MAD1L1: variants seen among roughly 807,000 people sequenced by gnomAD.
MAD1L1 encodes mitotic arrest deficient 1 like 1.
Under a neutral mutation model 96.9 loss-of-function variants are expected in MAD1L1, and 95 were observed. The observed-to-expected ratio is 0.98, with a 90% CI of 0.83 to 1.16. The LOEUF (loss-of-function observed/expected upper bound fraction) is 1.16, where lower values mean the gene tolerates loss of function less well. MAD1L1 is among the 50% of genes most tolerant of loss of function. MAD1L1 has a pLI of 0.00. For synonymous variants in MAD1L1, 473 were observed against 396.6 expected (o/e 1.19, Z -2.29); for missense variants, 1,007 against 954.4 (o/e 1.06, Z -0.73).
intron 10 of MAD1L1, among the ~76,000 whole-genome samples, chr7:2,157,575 G>A (rs1287891408): frequency 6.6e-6 from 1 of 152,182 alleles, no homozygotes; most frequent in African/African-American, 2.4e-5. Context: ...TCTGAAAGAG[G>A]AGGGCAGACA....
intron 11 of MAD1L1, among the ~76,000 whole-genome samples, chr7:2,096,178 A>G (rs1786479954): frequency 6.6e-6 from 1 of 152,230 alleles, no homozygotes; most frequent in East Asian, 1.9e-4. Context: ...CCAGATGAGG[A>G]CAGGGAGGGT....
At chr7:2,102,814 G>C (rs1418207427) in intron 11 of MAD1L1, among the ~76,000 whole-genome samples, 2 of 152,154 alleles carry the variant, frequency 1.3e-5, no homozygotes, top group African/African-American at 4.8e-5. Context: ...ACCGTCACCA[G>C]CACTCTCAGG....
rs371323455 is a variant in MAD1L1 at position 2,225,533 on chromosome 7, C to T, written c.168G>A (p.Glu56=). The T allele has an allele frequency of 1.7e-5, 27 of 1,613,688 alleles. No homozygotes were observed. Among genetic ancestry groups the T allele is most frequent in the African/African-American group, 2.7e-5 (2 of 74,942 alleles). ...TGAGGTGGGACTTCGAACGGATCTG[C>T]TCTGCTCTTTCCTCCAGCTGAGCAG... ...QQSMQLEERA[E]QIRSKSHLIQ... is the part of the protein sequence containing the mutation. Residue 56 remains glutamate (E), a synonymous_variant, in exon 4 of 19, where the codon GAG becomes GAA. Transcript: ENST00000265854.
intron 5 of MAD1L1, among the ~76,000 whole-genome samples, chr7:2,221,255 C>A (rs1793592051): frequency 6.6e-6 from 1 of 152,182 alleles, no homozygotes; most frequent in African/African-American, 2.4e-5. Context: ...ACCACAGGTG[C>A]CCGCAGGCAG....
chr7:1,996,100 C>T (rs1003829568), intron 14 of MAD1L1, among the ~76,000 whole-genome samples: 1 of 152,150 alleles, frequency 6.6e-6, no homozygotes, highest in Non-Finnish European at 1.5e-5. Context: ...GCACCAGCCA[C>T]GCCTCCCGTG....
At chr7:2,185,789 C>A (rs946357324) in intron 10 of MAD1L1, among the ~76,000 whole-genome samples, 1 of 152,120 alleles carries the variant, frequency 6.6e-6, no homozygotes, top group Non-Finnish European at 1.5e-5. Flanking sequence ...AAATAACAGG[C>A]GAGAATGCGT....
intron 12 of MAD1L1, among the ~76,000 whole-genome samples, chr7:2,030,787 G>T (rs908315868): frequency 6.6e-5 from 10 of 152,226 alleles, no homozygotes; most frequent in African/African-American, 2.4e-4. Flanking sequence ...GGCCCCGTGG[G>T]AGGCGCCCTG....
intron 10 of MAD1L1, among the ~76,000 whole-genome samples, chr7:2,184,429 G>A (rs891217548): frequency 6.6e-6 from 1 of 152,152 alleles, no homozygotes; most frequent in Non-Finnish European, 1.5e-5. Flanking sequence ...AAAATATAAT[G>A]CAAATGGAAT....
chr7:1,898,757 G>C lies in MAD1L1; in HGVS notation c.1808-367C>G, dbSNP rs562988511. On this transcript the variant is annotated intron_variant, in intron 17 of 18. Coordinates refer to ENST00000265854, the MANE Select transcript of MAD1L1 (RefSeq NM_001013836.2). ...TGCCAGGAAGCCACAGGGTCAGGAAGCCACAGGGTCAGGCGTGACTCGGGG... is the reference window on the plus strand; with the variant it reads ...TGCCAGGAAGCCACAGGGTCAGGAACCCACAGGGTCAGGCGTGACTCGGGG... Among the ~76,000 whole-genome samples the C allele has an allele frequency of 3.9e-5, 6 of 152,296 alleles. No individual in the cohort carries two copies. In the East Asian group the frequency reaches 1.2e-3, roughly 29 times the overall value.
At chr7:2,121,164 C>T (rs546484759) in intron 11 of MAD1L1, among the ~76,000 whole-genome samples, 1 of 152,360 alleles carries the variant, frequency 6.6e-6, no homozygotes, top group East Asian at 1.9e-4. Context: ...GGCTCTGGGG[C>T]CCTTCCCGCC....
At chr7:1,974,971 C>T (rs1399587469) in intron 15 of MAD1L1, among the ~76,000 whole-genome samples, 1 of 152,200 alleles carries the variant, frequency 6.6e-6, no homozygotes, top group East Asian at 1.9e-4. Flanking sequence ...CTGGGGAGCG[C>T]ACCTGCCTTC....
At chr7:1,976,758 A>G (rs1315269051) in intron 15 of MAD1L1, among the ~76,000 whole-genome samples, 2 of 152,210 alleles carry the variant, frequency 1.3e-5, no homozygotes, top group African/African-American at 4.8e-5. Flanking sequence ...CTTTAGCTAG[A>G]CACAGAGTGC....
At chr7:2,222,984 G>A (rs878851) in intron 4 of MAD1L1, among the ~76,000 whole-genome samples, 11,999 of 152,268 alleles carry the variant, frequency 0.079, 1,625 homozygotes, top group African/African-American at 0.27. Flanking sequence ...AGGGCTCCCA[G>A]GAAGGGCACT....
At chr7:1,941,357 G>A (rs1003886862) in intron 16 of MAD1L1, among the ~76,000 whole-genome samples, 8 of 152,216 alleles carry the variant, frequency 5.3e-5, no homozygotes, top group Admixed American at 4.6e-4. Context: ...CCCCCCTGAT[G>A]GGGGGCTTGA....
chr7:2,120,732 T>C (rs142905763), intron 11 of MAD1L1, among the ~76,000 whole-genome samples: 2 of 152,070 alleles, frequency 1.3e-5, no homozygotes, highest in East Asian at 1.9e-4. Flanking sequence ...TAAACAAGAG[T>C]ATATGCCAAG....
chr7:2,060,411 A>G (rs879521623), intron 12 of MAD1L1, among the ~76,000 whole-genome samples: 19 of 149,214 alleles, frequency 1.3e-4, no homozygotes, highest in Non-Finnish European at 2.2e-4. Flanking sequence ...GCTGAGATAC[A>G]CTGATGCTGA....
Position 2,088,321 on chromosome 7 carries a change from G to A in MAD1L1, c.1074-18983C>T, listed in dbSNP as rs972760330. On this transcript the variant is annotated intron_variant, in intron 11 of 18. Coordinates refer to ENST00000265854, the MANE Select transcript of MAD1L1 (RefSeq NM_001013836.2). The surrounding 1 kb of genome is among the most constrained non-coding windows in gnomAD (Gnocchi z 4.4). ...CACAGGCTGCGCCATCTGGTTACCAGCACGGTGGTCTCGTGCTACCCTGGT... is the reference window on the plus strand; with the variant it reads ...CACAGGCTGCGCCATCTGGTTACCAACACGGTGGTCTCGTGCTACCCTGGT... 8.5e-5 allele frequency among the ~76,000 whole-genome samples: 13 copies of A among 152,334 alleles called. No homozygotes were observed. The highest frequency in any genetic ancestry group is 2.4e-4 in the African/African-American group (10 of 41,572).
At chr7:1,934,299 G>A (rs1789652284) in intron 17 of MAD1L1, among the ~76,000 whole-genome samples, 1 of 152,170 alleles carries the variant, frequency 6.6e-6, no homozygotes, top group Non-Finnish European at 1.5e-5. Context: ...CATGGCCCGG[G>A]CACCTGTCAC....
At chr7:1,845,213 A>G (rs757880230) in intron 18 of MAD1L1, 1 of 152,220 alleles carries the variant, frequency 6.6e-6, no homozygotes, top group Non-Finnish European at 1.5e-5. Flanking sequence ...CATGATTCCT[A>G]TCTTGTCTGT....
Sources: gnomAD v4.1 joint callset for allele counts (sites outside exome capture counted in the v4.1 genomes callset) on GRCh38, gnomAD v4.1.1 for gene constraint, Gnocchi (gnomAD v3.1) non-coding constraint, MANE v1.5 for transcripts, NCBI Gene and HGNC (gene_info 2026-07-23, HGNC 2026-07-21) for gene names.